The following MRPS27 variants were observed in gnomAD, a reference collection of about 807,000 sequenced individuals.
MRPS27 encodes the protein mitochondrial ribosomal protein S27.
A neutral mutation model predicts 48.9 loss-of-function variants in MRPS27; 43 were observed. The ratio of observed to expected loss-of-function variants is 0.88; its 90% confidence interval spans 0.69 to 1.13. The LOEUF is 1.13. Among genes scored for constraint, MRPS27 ranks in the 50% most tolerant of loss-of-function variants. The probability of loss-of-function intolerance (pLI) is 0.00; values close to 1 mark genes in which losing one functional copy is unlikely to be tolerated. For synonymous variants in MRPS27, 188 were observed against 171.9 expected (o/e 1.09, Z -0.73); for missense variants, 467 against 476.3 (o/e 0.98, Z 0.18).
At chr5:72,257,222 T>G (rs1356058692) in intron 4 of MRPS27, among the ~76,000 whole-genome samples, 1 of 152,314 alleles carries the variant, frequency 6.6e-6, no homozygotes, top group South Asian at 2.1e-4. Flanking sequence ...GGGAAAGTCT[T>G]ACGTTCCTTC....
chr5:72,308,532 G>C (rs532298767), intron 2 of MRPS27, among the ~76,000 whole-genome samples: 20 of 152,236 alleles, frequency 1.3e-4, no homozygotes, highest in African/African-American at 4.3e-4. Flanking sequence ...CGACAGCCCC[G>C]CGCCCACTCG....
At chr5:72,308,416 T>TC (rs1474029533) in intron 2 of MRPS27, among the ~76,000 whole-genome samples, 1 of 152,122 alleles carries the variant, frequency 6.6e-6, no homozygotes, top group Non-Finnish European at 1.5e-5. Context: ...CCCTCCTCCG[T>TC]CCCCCAATCA....
intron 3 of MRPS27, among the ~76,000 whole-genome samples, chr5:72,296,896 GA>G (rs1210914544): frequency 6.6e-6 from 1 of 152,166 alleles, no homozygotes; most frequent in Non-Finnish European, 1.5e-5. Context: ...TACCCATGCT[GA>G]AAATGAGAAA....
At chr5:72,249,291 T>G (rs1459042768) in intron 4 of MRPS27, among the ~76,000 whole-genome samples, 1 of 152,254 alleles carries the variant, frequency 6.6e-6, no homozygotes, top group African/African-American at 2.4e-5. Context: ...TGATCATTTA[T>G]CAACCTACTA....
At chr5:72,260,551 A>T (rs905328067) in intron 4 of MRPS27, among the ~76,000 whole-genome samples, 2 of 152,250 alleles carry the variant, frequency 1.3e-5, no homozygotes, top group African/African-American at 4.8e-5. Context: ...AGAAAAGTTT[A>T]CTACAATGTG....
At chr5:72,285,807 G>A (rs1749656924) in intron 4 of MRPS27, among the ~76,000 whole-genome samples, 1 of 152,202 alleles carries the variant, frequency 6.6e-6, no homozygotes, top group Non-Finnish European at 1.5e-5. Context: ...TTACAGGCAT[G>A]AGCCACTGCA....
chr5:72,285,875 CCA>C (rs1275915619), intron 4 of MRPS27, among the ~76,000 whole-genome samples: 1 of 152,086 alleles, frequency 6.6e-6, no homozygotes, highest in Admixed American at 6.5e-5. Flanking sequence ...TTTGAATATA[CCA>C]CAGTTTTAGT....
At chr5:72,269,921 G>A (rs144033487) in intron 4 of MRPS27, among the ~76,000 whole-genome samples, 8,528 of 152,116 alleles carry the variant, frequency 0.056, 771 homozygotes, top group African/African-American at 0.19. Context: ...GGCCGGGTGC[G>A]GTGGCTCACG....
At chr5:72,318,322 A>G (rs1361390981) in intron 1 of MRPS27, among the ~76,000 whole-genome samples, 2 of 152,256 alleles carry the variant, frequency 1.3e-5, no homozygotes, top group Non-Finnish European at 2.9e-5. Context: ...ATGCTCGGAT[A>G]AGGAAGCCAA....
intron 4 of MRPS27, among the ~76,000 whole-genome samples, chr5:72,244,045 C>T (rs1041685851): frequency 3.3e-5 from 5 of 152,024 alleles, no homozygotes; most frequent in Non-Finnish European, 5.9e-5. Flanking sequence ...ATAATAAAAC[C>T]ACCACAATAT....
At chr5:72,232,074 A>G (rs551265634) in intron 7 of MRPS27, among the ~76,000 whole-genome samples, 1 of 152,308 alleles carries the variant, frequency 6.6e-6, no homozygotes, top group South Asian at 2.1e-4. Flanking sequence ...TTAGGAAAAT[A>G]CTGATACAAA....
At chr5:72,238,176 T>A (rs1748254689) in intron 4 of MRPS27, 48 bp from the exon 5 acceptor site, 2 of 1,260,754 alleles carry the variant, frequency 1.6e-6, no homozygotes, top group Non-Finnish European at 2.3e-6. Flanking sequence ...TCTTATATGT[T>A]AAAACACATC....
chr5:72,264,823 T>C (rs1236348420), intron 4 of MRPS27, among the ~76,000 whole-genome samples: 1 of 152,196 alleles, frequency 6.6e-6, no homozygotes, highest in African/African-American at 2.4e-5. Flanking sequence ...GCCAGAACTA[T>C]GAAAGAATAA....
At chr5:72,241,444 T>C (rs1313366537) in intron 4 of MRPS27, 1 of 555,526 alleles carries the variant, frequency 1.8e-6, no homozygotes, top group Non-Finnish European at 3.2e-6. Context: ...CCCATCAGCA[T>C]TAAAAAGATA....
chr5:72,232,703 C>G lies in MRPS27; in HGVS notation c.476-145G>C, dbSNP rs946445810. The G allele has an allele frequency of 6.0e-5, 36 of 597,070 alleles. No individual in the cohort carries two copies. In the Admixed American group the frequency reaches 1.1e-3, roughly 18 times the overall value. 37.0% of individuals were successfully genotyped at this position (597,070 alleles called of 1,614,324 possible). A position where few individuals can be genotyped will look rare whatever the true frequency, so the allele number is the denominator to read the frequency against. Reference sequence around the variant, plus strand: ...GAAGTAAAATATGCGGGCTTAGGCTCTGGCCCTAGTTCTTCCACAAACAAG... The same window carrying G: ...GAAGTAAAATATGCGGGCTTAGGCTGTGGCCCTAGTTCTTCCACAAACAAG... On this transcript the variant is annotated intron_variant, in intron 6 of 10. Transcript: ENST00000261413.
At chr5:72,293,543 CATGTGAAGA>C (rs1749890884) in intron 4 of MRPS27, among the ~76,000 whole-genome samples, 1 of 152,154 alleles carries the variant, frequency 6.6e-6, no homozygotes. Context: ...AACTGAACAT[CATGTGAAGA>C]ATTAATCATA....
In MRPS27 at chr5:72,242,062, TAAGA is replaced by T. The variant is rs1292993710; in HGVS notation, c.282-3938_282-3935del. ...GAAATGTGTATTTCTTGGAGGAGCATAAGAAAGAGTGACAAAGTGTACTCTCAAG... is the reference window on the plus strand; with the variant it reads ...GAAATGTGTATTTCTTGGAGGAGCATAAGAGTGACAAAGTGTACTCTCAAG... On this transcript the variant is annotated intron_variant, in intron 4 of 10. Coordinates refer to ENST00000261413, the MANE Select transcript of MRPS27 (RefSeq NM_015084.3). Among the ~76,000 whole-genome samples, 4 of 152,284 alleles carry T rather than the reference TAAGA, an allele frequency of 2.6e-5. No homozygotes were observed. The East Asian group carries it at 5.8e-4, about 22-fold the overall frequency.
chr5:72,245,812 T>C (rs1168647508), intron 4 of MRPS27, among the ~76,000 whole-genome samples: 3 of 152,196 alleles, frequency 2.0e-5, no homozygotes, highest in African/African-American at 4.8e-5. Context: ...TTTAGGGGTA[T>C]TTCTGAGGGA....
chr5:72,268,294 A>C (rs1180710701), intron 4 of MRPS27, among the ~76,000 whole-genome samples: 1 of 152,226 alleles, frequency 6.6e-6, no homozygotes, highest in East Asian at 1.9e-4. Flanking sequence ...CAATCTTCTA[A>C]AAGTCCAGAG....
Sources: gnomAD v4.1 joint callset for allele counts (sites outside exome capture counted in the v4.1 genomes callset) on GRCh38, gnomAD v4.1.1 for gene constraint, MANE v1.5 for transcripts, NCBI Gene and HGNC (gene_info 2026-07-23, HGNC 2026-07-21) for gene names.